Variants in RBBP8 observed in about 807,000 individuals in gnomAD.
RBBP8 encodes the protein RB binding protein 8, endonuclease.
A neutral mutation model predicts 108.3 loss-of-function variants in RBBP8; 88 were observed. The ratio of observed to expected loss-of-function variants is 0.81; its 90% CI spans 0.68 to 0.97. The LOEUF (loss-of-function observed/expected upper bound fraction) is 0.97. RBBP8 is among the 50% of genes least tolerant of loss of function. The probability of loss-of-function intolerance (pLI) is 0.00; values close to 1 mark genes in which losing one functional copy is unlikely to be tolerated. For synonymous variants in RBBP8, 332 were observed against 348.2 expected, an observed-to-expected ratio of 0.95 and a Z score of 0.52; for missense variants, 1,023 against 1,049.0, an observed-to-expected ratio of 0.98 and a Z score of 0.34.
chr18:22,997,608 A>G lies in RBBP8; in HGVS notation c.2029-12A>G, dbSNP rs757085953. The G allele has an allele frequency of 6.6e-7, 1 of 1,520,088 alleles. No homozygotes were observed. The highest frequency in any genetic ancestry group is 9.0e-7 in the Non-Finnish European group (1 of 1,108,458). 94.2% of individuals were successfully genotyped at this position (1,520,088 alleles called of 1,614,324 possible). A position where few individuals can be genotyped will look rare whatever the true frequency, so the allele number is the denominator to read the frequency against. ...ATTGTTAAAATTTTTGATTTTTAAA[A>G]TATTTATTTAGGATGGCAGTCAGTC... On this transcript the variant is annotated splice_polypyrimidine_tract_variant and intron_variant, in intron 13 of 18. Coordinates refer to ENST00000327155, the MANE Select transcript of RBBP8 (RefSeq NM_002894.3).
At chr18:23,019,330 T>G (rs1247829279) in intron 17 of RBBP8, among the ~76,000 whole-genome samples, 1 of 152,236 alleles carries the variant, frequency 6.6e-6, no homozygotes, top group Non-Finnish European at 1.5e-5. Context: ...CTGAAAACCA[T>G]TATTGTATAC....
intron 7 of RBBP8, 97 bp downstream of exon 7, chr18:22,982,490 A>G: frequency 1.9e-6 from 3 of 1,587,490 alleles, no homozygotes; most frequent in Non-Finnish European, 2.6e-6. Flanking sequence ...GAAGATAGTC[A>G]CTATTCTGGT....
intron 5 of RBBP8, among the ~76,000 whole-genome samples, chr18:22,969,868 A>G (rs991803881): frequency 2.0e-5 from 3 of 152,182 alleles, no homozygotes; most frequent in Admixed American, 6.5e-5. Context: ...TGTGGTGTAT[A>G]TGGGTGAACG....
chr18:23,001,690 G>A lies in RBBP8; in HGVS notation c.2248G>A (p.Glu750Lys), dbSNP rs1016489213. ...AGACAGTTTCTCCCAAGCAGCAGATGAAGAGGAGGAATTGTCTACTGCCAC... is the reference window on the plus strand; with the variant it reads ...AGACAGTTTCTCCCAAGCAGCAGATAAAGAGGAGGAATTGTCTACTGCCAC... ...LADSFSQAADEEEELSTATKK... is the reference protein window; with the variant it reads ...LADSFSQAADKEEELSTATKK... The change falls in exon 15 of 19, where the codon GAA becomes AAA. Residue 750 changes from glutamate to lysine, a missense_variant. By Grantham distance (56) the Glu-to-Lys change is moderately conservative. Transcript: ENST00000327155. The A allele has an allele frequency of 6.2e-7, 1 of 1,614,030 alleles. No homozygotes were observed. The highest frequency in any genetic ancestry group is 1.3e-5 in the African/African-American group (1 of 74,930).
At chr18:23,000,447 A>T (rs566675150) in intron 14 of RBBP8, among the ~76,000 whole-genome samples, 3 of 152,324 alleles carry the variant, frequency 2.0e-5, no homozygotes, top group African/African-American at 7.2e-5. Flanking sequence ...CATTACAAAA[A>T]GTAAGCATGA....
At chr18:22,920,160 CAAAAAAT>C (rs903247400) in intron 3 of RBBP8, among the ~76,000 whole-genome samples, 9 of 151,644 alleles carry the variant, frequency 5.9e-5, no homozygotes, top group African/African-American at 1.5e-4. Context: ...TCTGTCTCTA[CAAAAAAT>C]AAAAAATAAA....
Position 22,987,010 on chromosome 18 carries a change from C to G in RBBP8, c.709+2020C>G, listed in dbSNP as rs4474794. ...TCTGCAGCTTCTCTGCTGGCTTATT[C>G]TTAAGTATATACACATATATGTTAT... is the stretch of plus-strand genomic sequence containing the variant. On this transcript the variant is annotated intron_variant, in intron 8 of 18. Coordinates refer to ENST00000327155, the MANE Select transcript of RBBP8 (RefSeq NM_002894.3). 3.2e-4 allele frequency among the ~76,000 whole-genome samples: 48 copies of G among 152,128 alleles called. 1 individual carries two copies. The highest frequency in any genetic ancestry group is 1.1e-3 in the African/African-American group (47 of 41,510).
At chr18:22,977,581 C>A (rs1914583430) in intron 6 of RBBP8, among the ~76,000 whole-genome samples, 1 of 152,118 alleles carries the variant, frequency 6.6e-6, no homozygotes, top group Non-Finnish European at 1.5e-5. Flanking sequence ...GTTCAAAGGA[C>A]TGTAGAACTC....
chr18:22,937,638 C>G (rs952435069), intron 2 of RBBP8, among the ~76,000 whole-genome samples: 1 of 151,602 alleles, frequency 6.6e-6, no homozygotes, highest in Non-Finnish European at 1.5e-5. Context: ...GCTGCCATGC[C>G]TGGCTAATTT....
At chr18:22,925,430 T>C (rs1408458860) in intron 3 of RBBP8, among the ~76,000 whole-genome samples, 1 of 152,172 alleles carries the variant, frequency 6.6e-6, no homozygotes, top group Non-Finnish European at 1.5e-5. Context: ...TAGATTAACA[T>C]GGATTAGAAA....
At chr18:23,014,447 A>G (rs373552781) in intron 16 of RBBP8, among the ~76,000 whole-genome samples, 2 of 152,186 alleles carry the variant, frequency 1.3e-5, no homozygotes, top group African/African-American at 4.8e-5. Flanking sequence ...CAACCTGGGC[A>G]ACATAGTAAG....
At chr18:22,922,406 CA>C (rs1909627284) in intron 3 of RBBP8, among the ~76,000 whole-genome samples, 1 of 151,900 alleles carries the variant, frequency 6.6e-6, no homozygotes, top group South Asian at 2.1e-4. Flanking sequence ...ACAGCAAATA[CA>C]AAAAAGTGGA....
chr18:22,923,546 G>T (rs1909678038), intron 3 of RBBP8, among the ~76,000 whole-genome samples: 1 of 152,204 alleles, frequency 6.6e-6, no homozygotes. Context: ...AGCACAGTGA[G>T]TATTAATATC....
intron 18 of RBBP8, 107 bp downstream of exon 18, chr18:23,022,377 G>T: frequency 9.3e-7 from 1 of 1,071,950 alleles, no homozygotes; most frequent in Admixed American, 2.5e-5. Context: ...AAGGTGGGTG[G>T]ATCACCTGAG....
chr18:22,946,608 A>G (rs1911585689), intron 3 of RBBP8, 122 bp downstream of exon 3: 2 of 1,429,928 alleles, frequency 1.4e-6, no homozygotes, highest in South Asian at 2.8e-5. Flanking sequence ...TTATTTATAA[A>G]AAAAATTAGC....
At chr18:23,025,021 G>A (rs931854911) in intron 18 of RBBP8, among the ~76,000 whole-genome samples, 1 of 152,178 alleles carries the variant, frequency 6.6e-6, no homozygotes, top group African/African-American at 2.4e-5. Flanking sequence ...GCCAAGATGG[G>A]AGGATCCATT....
intron 18 of RBBP8, among the ~76,000 whole-genome samples, chr18:23,024,152 T>G (rs2046418242): frequency 6.6e-6 from 1 of 151,154 alleles, no homozygotes; most frequent in Non-Finnish European, 1.5e-5. Flanking sequence ...CCCAAAGTGC[T>G]GGGATTACAG....
intron 16 of RBBP8, among the ~76,000 whole-genome samples, chr18:23,008,677 C>T (rs1167906878): frequency 1.3e-5 from 2 of 152,008 alleles, no homozygotes; most frequent in Non-Finnish European, 2.9e-5. Context: ...GGTGTTTAGG[C>T]CACAGTCTGG....
At chr18:22,958,048 C>T (rs1404523231) in intron 4 of RBBP8, among the ~76,000 whole-genome samples, 1 of 152,150 alleles carries the variant, frequency 6.6e-6, no homozygotes, top group African/African-American at 2.4e-5. Context: ...CAGGAAGATA[C>T]TGGTGTTTCT....
Sources: allele counts gnomAD v4.1 joint callset (sites outside exome capture counted in the v4.1 genomes callset), GRCh38; gene constraint gnomAD v4.1.1; transcripts MANE v1.5; gene names NCBI Gene and HGNC (gene_info 2026-07-23, HGNC 2026-07-21).